Variants in BLK observed in about 807,000 individuals in gnomAD.
BLK encodes tyrosine-protein kinase Blk.
In BLK, 64 loss-of-function variants were observed where a neutral mutation model predicts 61.8. That is an observed-to-expected ratio of 1.03 (90% CI 0.85 to 1.27). The LOEUF (loss-of-function observed/expected upper bound fraction) is 1.27. Ranked by LOEUF, BLK falls within the 50% of genes most tolerant of loss-of-function variation. BLK has a pLI of 0.00. For missense variants in BLK, 853 were observed against 660.5 expected (o/e 1.29, Z -3.19); for synonymous variants, 351 against 272.0 (o/e 1.29, Z -2.86).
rs370312007 is a variant in BLK, at chr8:11,553,025, C to G, written c.473-1718C>G. 7.8e-4 allele frequency: 126 copies of G among 161,934 alleles called. 2 individuals are homozygous for G. The highest frequency in any genetic ancestry group is 2.8e-3 in the Middle Eastern group (1 of 360). 10.0% of individuals were successfully genotyped at this position (161,934 alleles called of 1,614,324 possible). ...ATGTCCACGCATGCACATATACACA[C>G]ACACGCACACATATACATGTGCACA... is the stretch of plus-strand genomic sequence containing the variant. On this transcript the variant is annotated intron_variant, in intron 6 of 12. Transcript: ENST00000259089.
At position 11,556,849 on chromosome 8, in the gene BLK, CG is replaced by C; in HGVS notation, c.952+13del. 3 of 1,613,126 alleles carry C rather than the reference CG, an allele frequency of 1.9e-6. No homozygotes were observed. Among genetic ancestry groups the C allele is most frequent in the Non-Finnish European group, 1.7e-6 (2 of 1,179,488 alleles). ...GTACATGGCCAGAGGTGGTGCCCCC[CG>C]CAGAGCCGCATCCTCAGAGCGAGGC... On this transcript the variant is annotated intron_variant, in intron 9 of 12. Transcript: ENST00000259089.
chr8:11,546,026 A>G, intron 2 of BLK, 26 bp from the exon 3 acceptor site: 3 of 1,612,992 alleles, frequency 1.9e-6, no homozygotes, highest in Non-Finnish European at 2.5e-6. Context: ...GACTGAAATA[A>G]CTCAAGTGTG....
chr8:11,561,588 A>G (rs968970462), intron 11 of BLK, 136 bp downstream of exon 11: 1 of 1,206,190 alleles, frequency 8.3e-7, no homozygotes, highest in African/African-American at 1.5e-5. Context: ...GCTCTAGATC[A>G]GCATTTCCTT....
At chr8:11,545,661 AAT>A (rs1800600195) in intron 2 of BLK, 1 of 309,046 alleles carries the variant, frequency 3.2e-6, no homozygotes, top group Non-Finnish European at 6.4e-6. Context: ...TATACCTACA[AAT>A]ATGTTTGTCG....
rs147893077 is a variant in BLK, at chr8:11,533,320, T to C, written c.-1-9904T>C. On this transcript the variant is annotated intron_variant, in intron 1 of 12. Transcript: ENST00000259089. ...GAACCTTTCAGTCTAAATGTTCTCC[T>C]GCACCCTCAAACCCGATGGAGGTGC... 4.5e-3 allele frequency among the ~76,000 whole-genome samples: 682 copies of C among 152,312 alleles called. 3 individuals are homozygous for C. Among genetic ancestry groups the C allele is most frequent in the African/African-American group, 0.016 (647 of 41,572 alleles).
intron 1 of BLK, among the ~76,000 whole-genome samples, chr8:11,495,543 A>G (rs998682): frequency 0.83 from 125,818 of 152,110 alleles, 52,235 homozygotes; most frequent in Admixed American, 0.87. Context: ...GGTTCTTCCC[A>G]CCAACTCATA....
rs1449962398 is a variant in BLK, at chr8:11,543,248, G to C, written c.24G>C (p.Lys8Asn). The stretch of plus-strand genomic sequence containing the variant: ...GGATGGGGCTGGTAAGTAGCAAAAA[G>C]CCGGACAAGGAAAAGCCGATCAAAG... MGLVSSK[K>N]PDKEKPIKEK... The change falls in exon 2 of 13, where the codon AAG (lysine) becomes AAC (asparagine). Residue 8 changes from lysine (K) to asparagine (N), a missense_variant. Transcript: ENST00000259089. 1.2e-6 allele frequency: 2 copies of C among 1,613,844 alleles called. No homozygotes were observed. Among genetic ancestry groups the C allele is most frequent in the Non-Finnish European group, 1.7e-6 (2 of 1,180,010 alleles).
chr8:11,536,771 G>A (rs1179681208), intron 1 of BLK, among the ~76,000 whole-genome samples: 2 of 152,190 alleles, frequency 1.3e-5, no homozygotes, highest in Non-Finnish European at 2.9e-5. Context: ...AAAAAAATCT[G>A]TTGTAGCCAT....
At chr8:11,533,248 T>C (rs1358528661) in intron 1 of BLK, among the ~76,000 whole-genome samples, 2 of 152,236 alleles carry the variant, frequency 1.3e-5, no homozygotes, top group African/African-American at 4.8e-5. Flanking sequence ...TTCTTTTCTT[T>C]TTCTTTCTTT....
At chr8:11,524,003 G>A (rs1475559522) in intron 1 of BLK, among the ~76,000 whole-genome samples, 8 of 151,738 alleles carry the variant, frequency 5.3e-5, no homozygotes, top group Non-Finnish European at 1.5e-5. Flanking sequence ...CCATAATTCC[G>A]GTTATGGAAA....
At chr8:11,553,929 C>T (rs1484342161) in intron 6 of BLK, among the ~76,000 whole-genome samples, 2 of 152,130 alleles carry the variant, frequency 1.3e-5, no homozygotes, top group Non-Finnish European at 2.9e-5. Flanking sequence ...TGCCTGACCC[C>T]TGGCGGGGAG....
In BLK at chr8:11,555,456, G is replaced by T. The variant is rs764391136; in HGVS notation, c.744G>T (p.Gly248=). 6 of 1,614,188 alleles carry T rather than the reference G, an allele frequency of 3.7e-6. No homozygotes were observed. Among genetic ancestry groups the T allele is most frequent in the Non-Finnish European group, 5.1e-6 (6 of 1,180,036 alleles). ...RQSLRLVRKL[G]SGQFGEVWMG... ...CTCTCAGGCTGGTCAGGAAACTCGGGTCTGGACAATTCGGCGAAGTCTGGA... is the reference window on the plus strand; with the variant it reads ...CTCTCAGGCTGGTCAGGAAACTCGGTTCTGGACAATTCGGCGAAGTCTGGA... The change falls in exon 8 of 13, where the codon GGG becomes GGT. Residue 248 remains glycine (G), a synonymous_variant. Transcript: ENST00000259089.
intron 1 of BLK, among the ~76,000 whole-genome samples, chr8:11,529,737 A>C (rs1478350783): frequency 1.3e-5 from 2 of 152,222 alleles, no homozygotes; most frequent in African/African-American, 4.8e-5. Flanking sequence ...TCCCAAAATT[A>C]GTTCAGCCTA....
At chr8:11,528,550 C>T (rs912793739) in intron 1 of BLK, among the ~76,000 whole-genome samples, 6 of 152,062 alleles carry the variant, frequency 3.9e-5, no homozygotes, top group African/African-American at 7.2e-5. Context: ...GTGTTAGCTA[C>T]GGAGATGAGA....
Position 11,534,999 on chromosome 8 carries a change from TC to T in BLK, c.-1-8222del, listed in dbSNP as rs1181808390. Among the ~76,000 whole-genome samples, 3 of 152,012 alleles carry T rather than the reference TC, an allele frequency of 2.0e-5. No individual in the cohort carries two copies. In the East Asian group the frequency reaches 5.8e-4, roughly 29 times the overall value. ...GACCAGCCTGGGCAACATGATGAAA[TC>T]CCACCTCTACATAAAATTGTTTAAA... is the stretch of plus-strand genomic sequence containing the variant. On this transcript the variant is annotated intron_variant, in intron 1 of 12. Coordinates refer to ENST00000259089, the MANE Select transcript of BLK (RefSeq NM_001715.3).
chr8:11,543,405 G>C (rs1193909738), intron 2 of BLK, 58 bp downstream of exon 2: 3 of 1,600,762 alleles, frequency 1.9e-6, no homozygotes, highest in East Asian at 4.5e-5. Flanking sequence ...ATGCCTTAAT[G>C]TCCAAGTTTG....
chr8:11,528,821 G>A (rs953027075), intron 1 of BLK, among the ~76,000 whole-genome samples: 1 of 147,068 alleles, frequency 6.8e-6, no homozygotes, highest in African/African-American at 2.6e-5. Context: ...GGAGGTGGAA[G>A]GCATTATCCT....
chr8:11,535,342 G>T (rs1030171316), intron 1 of BLK, among the ~76,000 whole-genome samples: 3 of 150,784 alleles, frequency 2.0e-5, no homozygotes, highest in African/African-American at 7.4e-5. Context: ...AAAGGGAAGG[G>T]AAGGAAGGAA....
Position 11,516,568 on chromosome 8 carries a change from G to T in BLK, c.-2+21977G>T, listed in dbSNP as rs1046602119. On this transcript the variant is annotated intron_variant, in intron 1 of 12. Transcript: ENST00000259089. ...TCCATGAACGATATCTGTTATAGCA[G>T]CCCTGTTAAACTAACTCCCCGACCC... 7.2e-5 allele frequency among the ~76,000 whole-genome samples: 11 copies of T among 152,250 alleles called. No individual in the cohort carries two copies. The East Asian group carries it at 2.1e-3, about 29-fold the overall frequency.
Sources: gnomAD v4.1 joint callset for allele counts (sites outside exome capture counted in the v4.1 genomes callset) on GRCh38, gnomAD v4.1.1 for gene constraint, MANE v1.5 for transcripts, NCBI Gene and HGNC (gene_info 2026-07-23, HGNC 2026-07-21) for gene names.